Variants in RIMS1 observed in about 807,000 individuals in gnomAD.
RIMS1 encodes the protein regulating synaptic membrane exocytosis protein 1.
Under a neutral mutation model 214.1 loss-of-function variants are expected in RIMS1, and 83 were observed. That is an observed-to-expected ratio of 0.39 (90% CI 0.32 to 0.47). The LOEUF is 0.47. Among genes scored for constraint, RIMS1 ranks in the 20% least tolerant of loss-of-function variants. RIMS1 has a pLI of 0.99. For missense variants in RIMS1, 2,050 were observed against 2,161.8 expected (o/e 0.95, Z 1.03); for synonymous variants, 793 against 786.8 (o/e 1.01, Z -0.13).
intron 29 of RIMS1, among the ~76,000 whole-genome samples, chr6:72,378,314 C>T (rs2098425677): frequency 6.6e-6 from 1 of 152,190 alleles, no homozygotes; most frequent in African/African-American, 2.4e-5. Context: ...AATCAAACCA[C>T]CCCAATTTTG....
chr6:72,127,990 T>G (rs769877644), intron 4 of RIMS1, among the ~76,000 whole-genome samples: 12 of 152,142 alleles, frequency 7.9e-5, no homozygotes, highest in Admixed American at 3.9e-4. Flanking sequence ...ATTGGTAATT[T>G]GGGTAAATTG....
chr6:71,971,244 T>C (rs1264628577), intron 2 of RIMS1, among the ~76,000 whole-genome samples: 1 of 152,094 alleles, frequency 6.6e-6, no homozygotes, highest in East Asian at 1.9e-4. Flanking sequence ...ATTATTTGCT[T>C]TGAGAGAAGT....
intron 2 of RIMS1, among the ~76,000 whole-genome samples, chr6:71,996,224 A>G (rs944069610): frequency 3.9e-5 from 6 of 152,224 alleles, no homozygotes; most frequent in Non-Finnish European, 7.3e-5. Flanking sequence ...GAGAGCCTCA[A>G]ACATTTTGTC....
intron 1 of RIMS1, among the ~76,000 whole-genome samples, chr6:71,967,170 C>T (rs1473781727): frequency 1.3e-5 from 2 of 152,066 alleles, no homozygotes; most frequent in African/African-American, 4.8e-5. Flanking sequence ...GGGTGGATCA[C>T]GAGGTCAGGA....
At chr6:72,284,232 G>T in intron 24 of RIMS1, 114 bp downstream of exon 24, 2 of 791,900 alleles carry the variant, frequency 2.5e-6, no homozygotes, top group Non-Finnish European at 4.0e-6. Context: ...ATGTTTAAAG[G>T]CATTCATGTA....
chr6:72,134,415 G>A (rs752764943), intron 4 of RIMS1, among the ~76,000 whole-genome samples: 1 of 151,780 alleles, frequency 6.6e-6, no homozygotes, highest in Admixed American at 6.6e-5. Flanking sequence ...GATTTATTTT[G>A]AGATGAGAAT....
chr6:71,992,610 C>CCTTCTTCTTCTT (rs34650202), intron 2 of RIMS1, among the ~76,000 whole-genome samples: 12 of 146,526 alleles, frequency 8.2e-5, no homozygotes, highest in African/African-American at 3.0e-4. Flanking sequence ...TTCTCCTTCT[C>CCTTCTTCTTCTT]CTTCTTCTTC....
intron 29 of RIMS1, among the ~76,000 whole-genome samples, chr6:72,358,780 A>G (rs1464542147): frequency 6.6e-6 from 1 of 152,166 alleles, no homozygotes; most frequent in African/African-American, 2.4e-5. Context: ...GTTACAGGAG[A>G]GAAAGAGGGA....
chr6:72,275,101 C>A (rs2154195075), intron 23 of RIMS1, among the ~76,000 whole-genome samples: 2 of 114,356 alleles, frequency 1.7e-5, no homozygotes, highest in Non-Finnish European at 1.8e-5. Context: ...TGAAGTTGAC[C>A]CAGTTTTCCT....
intron 2 of RIMS1, among the ~76,000 whole-genome samples, chr6:71,978,440 A>G (rs951074448): frequency 6.6e-6 from 1 of 152,058 alleles, no homozygotes; most frequent in Non-Finnish European, 1.5e-5. Context: ...TTTTACTCTG[A>G]TAGTCTGTTG....
intron 4 of RIMS1, among the ~76,000 whole-genome samples, chr6:72,101,609 A>G (rs2033607813): frequency 1.3e-5 from 2 of 151,960 alleles, no homozygotes; most frequent in South Asian, 4.1e-4. Context: ...GAAAGGGAAG[A>G]GAGATAAGGG....
At chr6:71,959,966 A>T (rs369670310) in intron 1 of RIMS1, among the ~76,000 whole-genome samples, 1 of 152,252 alleles carries the variant, frequency 6.6e-6, no homozygotes, top group African/African-American at 2.4e-5. Flanking sequence ...AGCATGTGGG[A>T]TTCGGAGCAT....
intron 1 of RIMS1, among the ~76,000 whole-genome samples, chr6:71,941,624 T>G (rs960681930): frequency 6.6e-6 from 1 of 152,214 alleles, no homozygotes; most frequent in African/African-American, 2.4e-5. Flanking sequence ...AGCCCTTTCC[T>G]CCACAATATC....
At chr6:72,264,641 C>T (rs1307359377) in intron 19 of RIMS1, among the ~76,000 whole-genome samples, 3 of 152,098 alleles carry the variant, frequency 2.0e-5, no homozygotes, top group Non-Finnish European at 4.4e-5. Context: ...TATGAGTTTA[C>T]TTTCGTAGAA....
At chr6:72,098,855 A>G (rs1244438686) in intron 3 of RIMS1, among the ~76,000 whole-genome samples, 1 of 152,190 alleles carries the variant, frequency 6.6e-6, no homozygotes, top group South Asian at 2.1e-4. Context: ...GGCAATCATC[A>G]TATGCCACCT....
intron 29 of RIMS1, among the ~76,000 whole-genome samples, chr6:72,378,603 G>C (rs2098433348): frequency 1.3e-5 from 2 of 152,152 alleles, no homozygotes; most frequent in Admixed American, 1.3e-4. Flanking sequence ...GCCAAGGCGG[G>C]TGGATCACCT....
intron 29 of RIMS1, among the ~76,000 whole-genome samples, chr6:72,354,871 C>CT (rs1488612255): frequency 6.6e-6 from 1 of 152,134 alleles, no homozygotes; most frequent in Non-Finnish European, 1.5e-5. Flanking sequence ...CCTGTTGCTA[C>CT]TTTATACATA....
chr6:72,279,423 A>C (rs886123913), intron 23 of RIMS1, among the ~76,000 whole-genome samples: 1 of 152,072 alleles, frequency 6.6e-6, no homozygotes, highest in Non-Finnish European at 1.5e-5. Context: ...TAGCTTTAAA[A>C]GAATTTCTTT....
At chr6:72,274,457 A>C in intron 23 of RIMS1, 25 bp downstream of exon 23, 1 of 1,580,070 alleles carries the variant, frequency 6.3e-7, no homozygotes, top group Non-Finnish European at 8.7e-7. Context: ...CTCCTCACAG[A>C]CAAGTGGCTT....
Sources: gnomAD v4.1 joint callset for allele counts (sites outside exome capture counted in the v4.1 genomes callset) on GRCh38, gnomAD v4.1.1 for gene constraint, MANE v1.5 for transcripts, NCBI Gene and HGNC (gene_info 2026-07-23, HGNC 2026-07-21) for gene names.